Variants in NEGR1 observed in about 807,000 individuals in gnomAD.
NEGR1 encodes neuronal growth regulator 1.
In NEGR1, 10 loss-of-function variants were observed where a neutral mutation model predicts 40.9. The observed-to-expected ratio is 0.24, with a 90% CI of 0.15 to 0.42. The LOEUF is 0.42. Among genes scored for constraint, NEGR1 ranks in the 10% least tolerant of loss-of-function variants. The pLI, the probability that NEGR1 is intolerant of heterozygous loss-of-function variation, is 1.00. For synonymous variants in NEGR1, 185 were observed against 166.8 expected (o/e 1.11, Z -0.84); for missense variants, 352 against 438.9 (o/e 0.80, Z 1.77).
At chr1:71,719,003 T>A (rs981712560) in intron 3 of NEGR1, among the ~76,000 whole-genome samples, 5 of 152,358 alleles carry the variant, frequency 3.3e-5, no homozygotes, top group African/African-American at 1.2e-4. Context: ...TATTTGAAGC[T>A]GGAGCTGAGG....
At chr1:71,512,246 A>T (rs576479462) in intron 6 of NEGR1, among the ~76,000 whole-genome samples, 1 of 152,262 alleles carries the variant, frequency 6.6e-6, no homozygotes, top group Non-Finnish European at 1.5e-5. Flanking sequence ...GGAATATCAA[A>T]TGTAAAAACA....
intron 1 of NEGR1, among the ~76,000 whole-genome samples, chr1:72,248,067 C>T (rs12084743): frequency 0.04 from 6,069 of 152,094 alleles, 388 homozygotes; most frequent in African/African-American, 0.14. Flanking sequence ...TTGCTCACTG[C>T]TGTGAAGACA....
At chr1:71,572,818 T>G (rs1648848863) in intron 6 of NEGR1, among the ~76,000 whole-genome samples, 2 of 152,194 alleles carry the variant, frequency 1.3e-5, no homozygotes, top group Non-Finnish European at 2.9e-5. Context: ...GCACCTCGGC[T>G]TCTGCTTTGT....
intron 6 of NEGR1, among the ~76,000 whole-genome samples, chr1:71,533,223 C>G (rs1016512708): frequency 6.6e-6 from 1 of 151,594 alleles, no homozygotes; most frequent in Non-Finnish European, 1.5e-5. Flanking sequence ...TCCCAATCAA[C>G]AGTTTATAAG....
At chr1:71,575,356 CT>C (rs1355514931) in intron 6 of NEGR1, among the ~76,000 whole-genome samples, 2 of 152,204 alleles carry the variant, frequency 1.3e-5, no homozygotes, top group African/African-American at 2.4e-5. Context: ...ACAGACAAGA[CT>C]AAGGGTATTG....
chr1:71,868,405 C>A (rs1176740565), intron 2 of NEGR1, among the ~76,000 whole-genome samples: 1 of 151,332 alleles, frequency 6.6e-6, no homozygotes, highest in Non-Finnish European at 1.5e-5. Context: ...AGTTAACATA[C>A]CTTACCTTAA....
chr1:71,455,509 A>C (rs1646665858), intron 6 of NEGR1, among the ~76,000 whole-genome samples: 1 of 152,172 alleles, frequency 6.6e-6, no homozygotes, highest in Non-Finnish European at 1.5e-5. Flanking sequence ...GGCAGATCAC[A>C]AGGTCAGGAG....
chr1:71,861,194 C>T (rs1313117940), intron 2 of NEGR1, among the ~76,000 whole-genome samples: 2 of 151,956 alleles, frequency 1.3e-5, no homozygotes, highest in East Asian at 3.9e-4. Flanking sequence ...GGGCAAGTTC[C>T]TTCATCTCTT....
chr1:71,998,974 C>T (rs1031898316), intron 1 of NEGR1, among the ~76,000 whole-genome samples: 3 of 151,796 alleles, frequency 2.0e-5, no homozygotes, highest in Non-Finnish European at 2.9e-5. Flanking sequence ...TATCTTAGCA[C>T]GTCATCTGGC....
intron 1 of NEGR1, among the ~76,000 whole-genome samples, chr1:72,076,983 C>T (rs1023388230): frequency 1.3e-5 from 2 of 150,340 alleles, no homozygotes; most frequent in Admixed American, 6.6e-5. Flanking sequence ...CAACCTCCGC[C>T]CCCTGGGTTC....
At position 72,215,838 on chromosome 1, in the gene NEGR1, A is replaced by G. The variant is rs185842260; in HGVS notation, c.176+66481T>C. Among the ~76,000 whole-genome samples, 9 of 152,226 alleles carry G rather than the reference A, an allele frequency of 5.9e-5. No homozygotes were observed. The East Asian group carries it at 1.7e-3, about 29-fold the overall frequency. ...GATCTATAACCAGAAATACTATTTG[A>G]CCAAGCAATCTCATTACTGGGTATA... On this transcript the variant is annotated intron_variant, in intron 1 of 6. Coordinates refer to ENST00000357731, the MANE Select transcript of NEGR1 (RefSeq NM_173808.3).
intron 1 of NEGR1, among the ~76,000 whole-genome samples, chr1:71,971,520 C>T (rs920728788): frequency 6.6e-6 from 1 of 152,134 alleles, no homozygotes; most frequent in Admixed American, 6.5e-5. Flanking sequence ...CAGTGCTTTG[C>T]TCACCACAAA....
rs578122549 is a variant in NEGR1 at position 71,795,079 on chromosome 1, G to C, written c.410-18782C>G. ...AATATTGGTGACACTTAAAAAATTA[G>C]GTAATACCAAGTTGATGAGAAAATG... On this transcript the variant is annotated intron_variant, in intron 2 of 6. Transcript: ENST00000357731. 2.6e-5 allele frequency among the ~76,000 whole-genome samples: 4 copies of C among 152,048 alleles called. No homozygotes were observed. The East Asian group carries it at 7.7e-4, about 29-fold the overall frequency.
At chr1:71,928,328 A>ATATACACACATATGTATATATGTG in intron 2 of NEGR1, among the ~76,000 whole-genome samples, 1 of 126,192 alleles carries the variant, frequency 7.9e-6, no homozygotes, top group Admixed American at 1.0e-4. Context: ...ATATACGTAT[A>ATATACACACATATGTATATATGTG]TATGTATATA....
intron 1 of NEGR1, among the ~76,000 whole-genome samples, chr1:72,051,759 A>G (rs1447026827): frequency 6.6e-6 from 1 of 151,488 alleles, no homozygotes. Context: ...AAGCTGTCAT[A>G]TAATGGCAAT....
At chr1:71,693,996 T>C (rs1378798126) in intron 4 of NEGR1, among the ~76,000 whole-genome samples, 1 of 151,768 alleles carries the variant, frequency 6.6e-6, no homozygotes, top group Non-Finnish European at 1.5e-5. Context: ...TTCACTGTGA[T>C]CTTCCCTTTT....
chr1:71,587,674 A>G (rs201857617), intron 6 of NEGR1, among the ~76,000 whole-genome samples: 2 of 4,680 alleles, frequency 4.3e-4, no homozygotes, highest in Non-Finnish European at 0.014. Context: ...GCACACACAC[A>G]CACACACACA....
At chr1:72,163,542 C>A (rs1651664217) in intron 1 of NEGR1, among the ~76,000 whole-genome samples, 2 of 151,956 alleles carry the variant, frequency 1.3e-5, no homozygotes, top group South Asian at 2.1e-4. Context: ...AGTTTTAGAA[C>A]AATTTAGTTG....
At chr1:72,120,982 T>G (rs1161672156) in intron 1 of NEGR1, among the ~76,000 whole-genome samples, 10 of 152,216 alleles carry the variant, frequency 6.6e-5, no homozygotes, top group Middle Eastern at 3.4e-3. Context: ...CTGTGGAAAT[T>G]TACAACAAAT....
Sources: allele counts gnomAD v4.1 joint callset (sites outside exome capture counted in the v4.1 genomes callset), GRCh38; gene constraint gnomAD v4.1.1; transcripts MANE v1.5; gene names NCBI Gene and HGNC (gene_info 2026-07-23, HGNC 2026-07-21).